The following PHACTR1 variants were observed in gnomAD, a reference collection of about 807,000 sequenced individuals.
The protein encoded by PHACTR1 is RPEL repeat containing 1.
Under a neutral mutation model 69.2 loss-of-function variants are expected in PHACTR1, and 16 were observed. That is an observed-to-expected ratio of 0.23 (90% CI 0.16 to 0.35). The LOEUF is 0.35. Ranked by LOEUF, PHACTR1 falls within the 10% of genes least tolerant of loss-of-function variation. The pLI, the probability that PHACTR1 is intolerant of heterozygous loss-of-function variation, is 1.00. For missense variants in PHACTR1, 510 were observed against 734.7 expected, an observed-to-expected ratio of 0.69 and a Z score of 3.54; for synonymous variants, 312 against 284.5, an observed-to-expected ratio of 1.10 and a Z score of -0.97.
At chr6:12,742,262 T>C (rs1040250760) in intron 3 of PHACTR1, among the ~76,000 whole-genome samples, 3 of 152,130 alleles carry the variant, frequency 2.0e-5, no homozygotes, top group Admixed American at 2.0e-4. Flanking sequence ...AGGAAAGGGG[T>C]GGGTGGTTCC....
intron 4 of PHACTR1, among the ~76,000 whole-genome samples, chr6:12,832,311 A>G (rs898948549): frequency 6.6e-6 from 1 of 152,168 alleles, no homozygotes; most frequent in African/African-American, 2.4e-5. Flanking sequence ...TCTGAAATGG[A>G]ATTCATTTCA....
rs138888283 is a variant in PHACTR1, at chr6:12,823,468, T to C, written c.250+73678T>C. Reference sequence around the variant, plus strand: ...AATAAGACTCGTGGAATTTTTTGAGTGAAGTGAACAAAATTAAAGGCTAAC... The same window carrying C: ...AATAAGACTCGTGGAATTTTTTGAGCGAAGTGAACAAAATTAAAGGCTAAC... On this transcript the variant is annotated intron_variant, in intron 4 of 14. Transcript: ENST00000332995. 7.1e-3 allele frequency among the ~76,000 whole-genome samples: 1,074 copies of C among 152,240 alleles called. 17 individuals are homozygous for C. Among genetic ancestry groups the C allele is most frequent in the African/African-American group, 0.025 (1,023 of 41,536 alleles).
chr6:12,848,222 G>T (rs1288575278), intron 4 of PHACTR1, among the ~76,000 whole-genome samples: 3 of 152,094 alleles, frequency 2.0e-5, no homozygotes, highest in Non-Finnish European at 2.9e-5. Flanking sequence ...AAACCTGTAT[G>T]CTAACATTTT....
intron 4 of PHACTR1, among the ~76,000 whole-genome samples, chr6:12,882,107 C>T (rs1001079974): frequency 9.2e-5 from 14 of 152,014 alleles, no homozygotes; most frequent in African/African-American, 3.4e-4. Flanking sequence ...AGGATGCACC[C>T]GAGGCTGAGA....
chr6:12,753,934 C>A (rs1007578866), intron 4 of PHACTR1, among the ~76,000 whole-genome samples: 1 of 145,592 alleles, frequency 6.9e-6, no homozygotes, highest in African/African-American at 2.6e-5. Context: ...TGTCCCTAGG[C>A]AAGTTGTAAA....
At chr6:13,068,104 G>T (rs754538971) in intron 5 of PHACTR1, among the ~76,000 whole-genome samples, 63 of 152,114 alleles carry the variant, frequency 4.1e-4, no homozygotes, top group Admixed American at 2.1e-3. Context: ...ATTACCTGAG[G>T]TCAGGAGTTT....
Position 13,283,717 on chromosome 6 carries a change from C to A in PHACTR1, c.1650+155C>A. The A allele has an allele frequency of 9.1e-7, 1 of 1,095,132 alleles. No homozygotes were observed. Among genetic ancestry groups the A allele is most frequent in the Non-Finnish European group, 1.3e-6 (1 of 752,196 alleles). 67.8% of individuals were successfully genotyped at this position (1,095,132 alleles called of 1,614,324 possible). A position where few individuals can be genotyped will look rare whatever the true frequency, so the allele number is the denominator to read the frequency against. ...AGACCCCAACACCTTTCCCCAGGGGCCACAGATAATCTGCGGAAAGGCTGC... is the reference window on the plus strand; with the variant it reads ...AGACCCCAACACCTTTCCCCAGGGGACACAGATAATCTGCGGAAAGGCTGC... On this transcript the variant is annotated intron_variant, in intron 13 of 14. Transcript: ENST00000332995. The surrounding 1 kb of genome is among the most constrained non-coding windows in gnomAD (Gnocchi z 4.7).
chr6:12,821,804 A>C (rs1776254809), intron 4 of PHACTR1, among the ~76,000 whole-genome samples: 1 of 152,238 alleles, frequency 6.6e-6, no homozygotes, highest in South Asian at 2.1e-4. Context: ...CATTGGATTT[A>C]GAAAGAAGAA....
chr6:12,910,482 T>C (rs1419446221), intron 4 of PHACTR1, among the ~76,000 whole-genome samples: 2 of 152,206 alleles, frequency 1.3e-5, no homozygotes, highest in African/African-American at 4.8e-5. Flanking sequence ...CTTGATCAAA[T>C]TCTTTTTTTC....
intron 4 of PHACTR1, among the ~76,000 whole-genome samples, chr6:12,770,643 C>G (rs531449875): frequency 6.6e-6 from 1 of 152,178 alleles, no homozygotes; most frequent in East Asian, 1.9e-4. Flanking sequence ...CCTTCAAAAA[C>G]GTTTACAGAT....
intron 3 of PHACTR1, among the ~76,000 whole-genome samples, chr6:12,744,240 A>C (rs1015135771): frequency 7.2e-5 from 11 of 152,234 alleles, no homozygotes; most frequent in Admixed American, 2.0e-4. Flanking sequence ...GAACCACGCC[A>C]TTCCCATCAA....
intron 4 of PHACTR1, among the ~76,000 whole-genome samples, chr6:12,797,040 T>TGTAA (rs563796658): frequency 1.1e-4 from 15 of 133,396 alleles, no homozygotes; most frequent in Non-Finnish European, 1.7e-4. Flanking sequence ...TGTGTGTGTG[T>TGTAA]GAGAGAGAGA....
At chr6:13,131,642 T>C (rs993003089) in intron 5 of PHACTR1, among the ~76,000 whole-genome samples, 3 of 152,238 alleles carry the variant, frequency 2.0e-5, no homozygotes, top group African/African-American at 4.8e-5. Context: ...GCAATGTTTA[T>C]TTTTAAATTC....
At chr6:13,167,677 A>G (rs574587828) in intron 6 of PHACTR1, among the ~76,000 whole-genome samples, 7 of 152,314 alleles carry the variant, frequency 4.6e-5, no homozygotes, top group Admixed American at 1.3e-4. Context: ...TTTGCTTTCC[A>G]TTGTGTGCTG....
intron 4 of PHACTR1, among the ~76,000 whole-genome samples, chr6:12,954,856 C>A (rs1791690301): frequency 6.6e-6 from 1 of 152,096 alleles, no homozygotes; most frequent in African/African-American, 2.4e-5. Flanking sequence ...ATTTGTTCCC[C>A]TAAAATAAAT....
At chr6:13,207,594 G>A (rs1474352255) in intron 8 of PHACTR1, among the ~76,000 whole-genome samples, 1 of 151,096 alleles carries the variant, frequency 6.6e-6, no homozygotes, top group Non-Finnish European at 1.5e-5. Flanking sequence ...GAGTGTATGT[G>A]TGTGTGTGTG....
At chr6:12,752,892 A>G (rs528177160) in intron 4 of PHACTR1, among the ~76,000 whole-genome samples, 83 of 152,354 alleles carry the variant, frequency 5.4e-4, no homozygotes, top group Non-Finnish European at 3.2e-4. Context: ...AGCATAGATA[A>G]CAGAAATTTT....
chr6:13,046,567 C>A (rs1302356501), intron 4 of PHACTR1, among the ~76,000 whole-genome samples: 1 of 152,146 alleles, frequency 6.6e-6, no homozygotes, highest in Non-Finnish European at 1.5e-5. Flanking sequence ...GGCATCGTGT[C>A]TGTGTTTAAT....
intron 4 of PHACTR1, among the ~76,000 whole-genome samples, chr6:12,795,204 A>G (rs1249896309): frequency 6.6e-6 from 1 of 151,564 alleles, no homozygotes; most frequent in East Asian, 1.9e-4. Flanking sequence ...AATTTACAAG[A>G]TGATATTTCC....
Sources: allele counts gnomAD v4.1 joint callset (sites outside exome capture counted in the v4.1 genomes callset), GRCh38; gene constraint gnomAD v4.1.1; non-coding constraint Gnocchi (gnomAD v3.1); transcripts MANE v1.5; gene names NCBI Gene and HGNC (gene_info 2026-07-23, HGNC 2026-07-21).